Variants in DEPDC5 observed in about 807,000 individuals in gnomAD.
DEPDC5 encodes GATOR1 complex protein DEPDC5.
Under a neutral mutation model 217.3 loss-of-function variants are expected in DEPDC5, and 73 were observed. The ratio of observed to expected loss-of-function variants is 0.34; its 90% CI spans 0.28 to 0.41. The LOEUF (loss-of-function observed/expected upper bound fraction) is 0.41, where lower values mean the gene tolerates loss of function less well. DEPDC5 is among the 10% of genes least tolerant of loss of function. The pLI is 1.00. For synonymous variants in DEPDC5, 733 were observed against 756.7 expected (o/e 0.97, Z 0.51); for missense variants, 1,675 against 2,070.1 (o/e 0.81, Z 3.70).
chr22:31,857,316 A>G (rs763404367), intron 31 of DEPDC5, 129 bp from the exon 32 acceptor site: 3 of 712,068 alleles, frequency 4.2e-6, no homozygotes, highest in Non-Finnish European at 7.0e-6. Context: ...GAAGGTCTGG[A>G]AAGGGAAACA....
chr22:31,873,433 T>C, intron 35 of DEPDC5, 101 bp downstream of exon 35: 1 of 1,294,734 alleles, frequency 7.7e-7, no homozygotes. Context: ...ATGACTGTAC[T>C]TCTCACCAGT....
intron 15 of DEPDC5, 88 bp downstream of exon 15, chr22:31,802,926 G>T: frequency 6.9e-7 from 1 of 1,443,824 alleles, no homozygotes; most frequent in Non-Finnish European, 9.2e-7. Flanking sequence ...TTCTTAGAGT[G>T]TGAGGAGCTC....
At chr22:31,775,246 C>T (rs375797155) in intron 7 of DEPDC5, among the ~76,000 whole-genome samples, 12 of 151,768 alleles carry the variant, frequency 7.9e-5, no homozygotes, top group African/African-American at 2.7e-4. Context: ...ATGGTGCGAT[C>T]TGAGCTCATT....
At chr22:31,767,987 G>T (rs527827390) in intron 6 of DEPDC5, among the ~76,000 whole-genome samples, 1 of 147,710 alleles carries the variant, frequency 6.8e-6, no homozygotes, top group Non-Finnish European at 1.5e-5. Context: ...CCTCGTGATC[G>T]TCCCATCTCG....
chr22:31,849,796 T>C (rs1367168390), intron 31 of DEPDC5, among the ~76,000 whole-genome samples: 1 of 143,542 alleles, frequency 7.0e-6, no homozygotes, highest in Non-Finnish European at 1.5e-5. Flanking sequence ...AAAAAATAAG[T>C]AAATAAAATA....
chr22:31,875,061 G>A (rs1017509944), intron 36 of DEPDC5: 2 of 155,460 alleles, frequency 1.3e-5, no homozygotes, highest in Non-Finnish European at 2.9e-5. Context: ...GACTGAGCCA[G>A]TTCATGCCAT....
At position 31,876,816 on chromosome 22, in the gene DEPDC5, C is replaced by T. The variant is rs575878652; in HGVS notation, c.3805+551C>T. ...TTCCCCAGAGGGAAAACTTTTTTAG[C>T]GTGGTCAGAGCTGACTCACATAACT... is the stretch of plus-strand genomic sequence containing the variant. On this transcript the variant is annotated intron_variant, in intron 37 of 42. Coordinates refer to ENST00000651528, the MANE Select transcript of DEPDC5 (RefSeq NM_001242896.3). Among the ~76,000 whole-genome samples the T allele has an allele frequency of 2.6e-5, 4 of 152,106 alleles. No homozygotes were observed. In the East Asian group the frequency reaches 5.8e-4, roughly 22 times the overall value.
intron 7 of DEPDC5, among the ~76,000 whole-genome samples, chr22:31,774,086 AAAC>A (rs755751024): frequency 9.9e-5 from 15 of 152,160 alleles, no homozygotes; most frequent in South Asian, 2.1e-4. Flanking sequence ...AAACAAAACA[AAAC>A]AACAACAACA....
intron 2 of DEPDC5, among the ~76,000 whole-genome samples, chr22:31,757,953 G>A (rs1373576382): frequency 1.3e-5 from 2 of 152,082 alleles, no homozygotes; most frequent in African/African-American, 2.4e-5. Context: ...TAGTAGAGAC[G>A]GGGTTTCGCC....
intron 12 of DEPDC5, among the ~76,000 whole-genome samples, chr22:31,793,947 T>C (rs573849885): frequency 6.6e-6 from 1 of 152,170 alleles, no homozygotes; most frequent in Non-Finnish European, 1.5e-5. Context: ...AATGGGTTAC[T>C]CTTCTAAGCA....
intron 30 of DEPDC5, among the ~76,000 whole-genome samples, chr22:31,846,566 A>G (rs1269712269): frequency 6.6e-6 from 1 of 152,314 alleles, no homozygotes; most frequent in East Asian, 1.9e-4. Flanking sequence ...CTTCTTCTGT[A>G]AAATAGGGCT....
chr22:31,892,289 C>T lies in DEPDC5; in HGVS notation c.4034-1293C>T, dbSNP rs181834881. ...GTTGGATTACTTAGGGAGAAGTAAA[C>T]TATGGCTTAAGCAGCCAAATCTGGC... is the stretch of plus-strand genomic sequence containing the variant. On this transcript the variant is annotated intron_variant, in intron 38 of 42. Coordinates refer to ENST00000651528, the MANE Select transcript of DEPDC5 (RefSeq NM_001242896.3). 2.4e-4 allele frequency among the ~76,000 whole-genome samples: 37 copies of T among 152,330 alleles called. 1 individual carries two copies. In the Middle Eastern group the frequency reaches 0.017, roughly 70 times the overall value.
intron 30 of DEPDC5, among the ~76,000 whole-genome samples, chr22:31,845,769 G>A (rs1291168724): frequency 2.0e-5 from 3 of 150,522 alleles, no homozygotes; most frequent in African/African-American, 7.3e-5. Context: ...GTGTGTGTAT[G>A]TGTGTGTGTG....
At chr22:31,867,472 A>G (rs1255086231) in intron 33 of DEPDC5, among the ~76,000 whole-genome samples, 1 of 152,218 alleles carries the variant, frequency 6.6e-6, no homozygotes, top group African/African-American at 2.4e-5. Context: ...TCCTGGTATT[A>G]GGATCTAAAC....
chr22:31,834,706 G>T (rs1407948222), intron 25 of DEPDC5, among the ~76,000 whole-genome samples: 1 of 151,862 alleles, frequency 6.6e-6, no homozygotes, highest in African/African-American at 2.4e-5. Context: ...TAGTAGAGAC[G>T]GGGTTTCACC....
At chr22:31,826,133 A>C (rs145305454) in intron 24 of DEPDC5, among the ~76,000 whole-genome samples, 3,802 of 152,022 alleles carry the variant, frequency 0.025, 61 homozygotes, top group African/African-American at 0.041. Context: ...CAGCCTCCCA[A>C]GTAGCTGGGA....
intron 23 of DEPDC5, among the ~76,000 whole-genome samples, chr22:31,822,310 G>T (rs1173122903): frequency 6.6e-6 from 1 of 152,144 alleles, no homozygotes; most frequent in Non-Finnish European, 1.5e-5. Flanking sequence ...GATAGATAAG[G>T]GATATGGGGA....
At chr22:31,794,896 AAACAAC>A in intron 12 of DEPDC5, among the ~76,000 whole-genome samples, 1 of 152,094 alleles carries the variant, frequency 6.6e-6, no homozygotes, top group African/African-American at 2.4e-5. Flanking sequence ...AAAAAAAACA[AAACAAC>A]AACAACAAAA....
chr22:31,831,273 A>C (rs1400102864), intron 24 of DEPDC5: 1 of 152,280 alleles, frequency 6.6e-6, no homozygotes, highest in Non-Finnish European at 1.5e-5. Context: ...TCTGTGGAAA[A>C]GGATCATACC....
Sources: allele counts gnomAD v4.1 joint callset (sites outside exome capture counted in the v4.1 genomes callset), GRCh38; gene constraint gnomAD v4.1.1; transcripts MANE v1.5; gene names NCBI Gene and HGNC (gene_info 2026-07-23, HGNC 2026-07-21).